Variants in PDSS2 observed in about 807,000 individuals in gnomAD.
The protein encoded by PDSS2 is decaprenyl diphosphate synthase subunit 2.
Under a neutral mutation model 44.5 loss-of-function variants are expected in PDSS2, and 31 were observed. The observed-to-expected ratio is 0.70, with a 90% confidence interval of 0.52 to 0.94. The LOEUF (loss-of-function observed/expected upper bound fraction) is 0.94, where lower values mean the gene tolerates loss of function less well. PDSS2 is among the 40% of genes least tolerant of loss of function. The probability of loss-of-function intolerance (pLI) is 0.00; values close to 1 mark genes in which losing one functional copy is unlikely to be tolerated. For synonymous variants in PDSS2, 157 were observed against 180.3 expected (o/e 0.87, Z 1.03); for missense variants, 452 against 482.2 (o/e 0.94, Z 0.59).
Position 107,401,789 on chromosome 6 carries a change from AG to A in PDSS2, c.296+57200del, listed in dbSNP as rs200561123. The stretch of plus-strand genomic sequence containing the variant: ...CAACAGAATAGACTAAGCAGGTGAA[AG>A]AATTTCAAAACTTGCAGACAGGCCT... On this transcript the variant is annotated intron_variant, in intron 1 of 7. Coordinates refer to ENST00000369037, the MANE Select transcript of PDSS2 (RefSeq NM_020381.4). Among the ~76,000 whole-genome samples the A allele has an allele frequency of 7.9e-3, 1,198 of 152,310 alleles. 21 individuals carry two copies. Among genetic ancestry groups the A allele is most frequent in the African/African-American group, 0.026 (1,060 of 41,564 alleles).
intron 1 of PDSS2, among the ~76,000 whole-genome samples, chr6:107,417,169 A>C (rs901505047): frequency 2.6e-5 from 4 of 152,206 alleles, no homozygotes; most frequent in Non-Finnish European, 5.9e-5. Flanking sequence ...AAGAAACAAG[A>C]CCACAAGACA....
Position 107,189,848 on chromosome 6 carries a change from A to T in PDSS2, c.1041+3974T>A, listed in dbSNP as rs189154191. ...ACCCCAGAGGCATTCTTTGAGTCAT[A>T]AAAAAAGCATCACCAGTCTGGGTAA... On this transcript the variant is annotated intron_variant, in intron 7 of 7. Transcript: ENST00000369037. Among the ~76,000 whole-genome samples, 9 of 152,138 alleles carry T rather than the reference A, an allele frequency of 5.9e-5. No individual in the cohort carries two copies. In the East Asian group the frequency reaches 1.4e-3, roughly 23 times the overall value.
At chr6:107,445,228 G>C (rs1396397915) in intron 1 of PDSS2, among the ~76,000 whole-genome samples, 1 of 151,308 alleles carries the variant, frequency 6.6e-6, no homozygotes, top group Non-Finnish European at 1.5e-5. Flanking sequence ...ATTACATTTA[G>C]TTAGGGAAAC....
chr6:107,299,727 C>G (rs921624642), intron 2 of PDSS2, among the ~76,000 whole-genome samples: 2 of 152,154 alleles, frequency 1.3e-5, no homozygotes, highest in Admixed American at 6.5e-5. Flanking sequence ...ACCCCCACAT[C>G]CATATGCCCC....
chr6:107,388,450 T>TC (rs1196860582), intron 1 of PDSS2, among the ~76,000 whole-genome samples: 1 of 150,460 alleles, frequency 6.6e-6, no homozygotes, highest in Non-Finnish European at 1.5e-5. Flanking sequence ...CATGTGAATT[T>TC]TTTTTTTTTT....
chr6:107,278,564 T>G (rs1370458527), intron 2 of PDSS2, among the ~76,000 whole-genome samples: 3 of 152,174 alleles, frequency 2.0e-5, no homozygotes, highest in Non-Finnish European at 2.9e-5. Context: ...TTGGACAAGT[T>G]TTTCATGCAG....
rs572576359 is a variant in PDSS2, at chr6:107,335,495, A to C, written c.297-1163T>G. Among the ~76,000 whole-genome samples the C allele has an allele frequency of 5.9e-5, 9 of 152,342 alleles. No homozygotes were observed. In the South Asian group the frequency reaches 1.9e-3, roughly 32 times the overall value. On this transcript the variant is annotated intron_variant, in intron 1 of 7. Coordinates refer to ENST00000369037, the MANE Select transcript of PDSS2 (RefSeq NM_020381.4). ...GACGCAGAAATTTGATAAGTAAATG[A>C]AAGTGAATGCCATCAGCAAAAATGT...
intron 1 of PDSS2, 147 bp from the exon 2 acceptor site, chr6:107,334,479 G>A: frequency 1.4e-6 from 1 of 713,114 alleles, no homozygotes; most frequent in Non-Finnish European, 2.5e-6. Flanking sequence ...GAAAATTAAT[G>A]TGAGGATGCC....
intron 1 of PDSS2, among the ~76,000 whole-genome samples, chr6:107,411,816 G>T (rs1035869677): frequency 6.6e-6 from 1 of 151,632 alleles, no homozygotes; most frequent in Non-Finnish European, 1.5e-5. Flanking sequence ...AGTATTGGGG[G>T]GTGGGGGATT....
intron 1 of PDSS2, among the ~76,000 whole-genome samples, chr6:107,423,864 T>A (rs1780902793): frequency 6.6e-6 from 1 of 152,102 alleles, no homozygotes; most frequent in Non-Finnish European, 1.5e-5. Flanking sequence ...AACTTCTTCC[T>A]ATTTTCCATC....
intron 3 of PDSS2, among the ~76,000 whole-genome samples, chr6:107,257,574 A>C (rs1196367347): frequency 2.0e-5 from 3 of 152,024 alleles, no homozygotes; most frequent in Non-Finnish European, 4.4e-5. Context: ...AATAATGGAC[A>C]TACTTGGGTT....
At chr6:107,387,923 T>C (rs1562505624) in intron 1 of PDSS2, among the ~76,000 whole-genome samples, 1 of 152,200 alleles carries the variant, frequency 6.6e-6, no homozygotes, top group East Asian at 1.9e-4. Flanking sequence ...AAGAATGTCA[T>C]CAAAATAAAT....
At chr6:107,334,370 C>T in intron 1 of PDSS2, 38 bp from the exon 2 acceptor site, 4 of 1,596,242 alleles carry the variant, frequency 2.5e-6, no homozygotes, top group Non-Finnish European at 3.4e-6. Context: ...TTAATATACC[C>T]TCACGAGATC....
intron 1 of PDSS2, among the ~76,000 whole-genome samples, chr6:107,399,512 C>T (rs955188861): frequency 5.3e-5 from 8 of 152,182 alleles, no homozygotes; most frequent in African/African-American, 1.7e-4. Context: ...ATCCTATCTT[C>T]CCCTAAGTTT....
chr6:107,210,601 T>C, intron 5 of PDSS2, 31 bp from the exon 6 acceptor site: 2 of 1,427,336 alleles, frequency 1.4e-6, no homozygotes, highest in Non-Finnish European at 2.0e-6. Context: ...AGTAAATTAG[T>C]GAAATGTATA....
chr6:107,415,948 T>A (rs779365659), intron 1 of PDSS2, among the ~76,000 whole-genome samples: 6 of 152,210 alleles, frequency 3.9e-5, no homozygotes, highest in Non-Finnish European at 8.8e-5. Flanking sequence ...GGTTTCTTAG[T>A]TTAATTTACA....
chr6:107,210,663 A>C (rs1687773473), intron 5 of PDSS2, 93 bp from the exon 6 acceptor site: 1 of 860,810 alleles, frequency 1.2e-6, no homozygotes, highest in Non-Finnish European at 1.9e-6. Context: ...ATGCAGTGAA[A>C]TATGAAGCTT....
chr6:107,307,845 A>G (rs1172324969), intron 2 of PDSS2, among the ~76,000 whole-genome samples: 1 of 152,174 alleles, frequency 6.6e-6, no homozygotes, highest in East Asian at 1.9e-4. Flanking sequence ...AATCACTTAA[A>G]GAGTAATATA....
chr6:107,306,044 T>C (rs1425412643), intron 2 of PDSS2, among the ~76,000 whole-genome samples: 2 of 152,230 alleles, frequency 1.3e-5, no homozygotes, highest in Non-Finnish European at 2.9e-5. Context: ...ATACAGATAG[T>C]TACCCAAAGA....
Sources: gnomAD v4.1 joint callset for allele counts (sites outside exome capture counted in the v4.1 genomes callset) on GRCh38, gnomAD v4.1.1 for gene constraint, MANE v1.5 for transcripts, NCBI Gene and HGNC (gene_info 2026-07-23, HGNC 2026-07-21) for gene names.